UPF1: variants seen among roughly 807,000 people sequenced by gnomAD.
UPF1 encodes UPF1 RNA helicase and ATPase, also known as regulator of nonsense transcripts 1.
A neutral mutation model predicts 129.2 loss-of-function variants in UPF1; 9 were observed. That is an observed-to-expected ratio of 0.07 (90% confidence interval 0.04 to 0.12). UPF1 has a LOEUF of 0.12. Among genes scored for constraint, UPF1 ranks in the 10% least tolerant of loss-of-function variants. The probability of loss-of-function intolerance (pLI) is 1.00; values close to 1 mark genes in which losing one functional copy is unlikely to be tolerated. For missense variants in UPF1, 788 were observed against 1,525.3 expected (o/e 0.52, Z 8.05); for synonymous variants, 649 against 644.9 (o/e 1.01, Z -0.10).
At chr19:18,863,095 T>C in intron 18 of UPF1, 1 of 240,082 alleles carries the variant, frequency 4.2e-6, no homozygotes. Context: ...GGGCATCGGG[T>C]CAGTGCCCCG....
At position 18,864,164 on chromosome 19, in the gene UPF1, TC is replaced by T. The variant is rs773800858; in HGVS notation, c.2776-5del. On this transcript the variant is annotated splice_region_variant and splice_polypyrimidine_tract_variant and intron_variant, in intron 19 of 23. Transcript: ENST00000262803. ...ACAAATTCCTCACCTATCTAAACCT[TC>T]GCAGGGAGCCCGCTTCATGACCACA... 8 of 1,613,670 alleles carry T rather than the reference TC, an allele frequency of 5.0e-6. No individual in the cohort carries two copies. In the East Asian group the frequency reaches 1.8e-4, roughly 36 times the overall value.
chr19:18,844,327 C>CTT (rs58392919), intron 1 of UPF1, among the ~76,000 whole-genome samples: 5 of 140,088 alleles, frequency 3.6e-5, no homozygotes, highest in African/African-American at 5.4e-5. Flanking sequence ...TTTCTTTTTT[C>CTT]TTTTTTTTTT....
intron 19 of UPF1, among the ~76,000 whole-genome samples, chr19:18,863,944 C>T (rs1299997024): frequency 1.3e-5 from 2 of 152,082 alleles, no homozygotes; most frequent in Non-Finnish European, 2.9e-5. Context: ...GTGAAGCTTC[C>T]TGAGCTGAGG....
intron 20 of UPF1, 79 bp downstream of exon 20, chr19:18,864,330 A>T: frequency 7.5e-7 from 1 of 1,338,466 alleles, no homozygotes; most frequent in South Asian, 1.3e-5. Context: ...CTGCAGCTTT[A>T]GGTGCCCCCA....
rs35934501 is a variant in UPF1 at position 18,843,518 on chromosome 19, G to GTTTT, written c.232-2447_232-2444dup. On this transcript the variant is annotated intron_variant, in intron 1 of 23. Coordinates refer to ENST00000262803, the MANE Select transcript of UPF1 (RefSeq NM_002911.4). The stretch of plus-strand genomic sequence containing the variant: ...CTGTGGGAATGAAGTGACTTTCTTT[G>GTTTT]TTTTTTTTTTTTTTTTTTGAGACAG... Among the ~76,000 whole-genome samples the GTTTT allele has an allele frequency of 9.0e-4, 111 of 124,016 alleles. 4 individuals are homozygous for GTTTT. The highest frequency in any genetic ancestry group is 1.1e-3 in the Non-Finnish European group (67 of 61,708). 81.4% of individuals were successfully genotyped at this position (124,016 alleles called of 152,430 possible).
At chr19:18,859,099 G>A (rs1409159844) in intron 15 of UPF1, among the ~76,000 whole-genome samples, 1 of 152,170 alleles carries the variant, frequency 6.6e-6, no homozygotes, top group African/African-American at 2.4e-5. Flanking sequence ...CAGGGACACC[G>A]CTGTTCCCAG....
chr19:18,856,346 T>C, intron 13 of UPF1, 46 bp downstream of exon 13: 1 of 1,538,754 alleles, frequency 6.5e-7, no homozygotes, highest in Non-Finnish European at 8.8e-7. Context: ...GCTGGCGGCC[T>C]GATGGTTTTT....
At chr19:18,835,138 C>T (rs1475921168) in intron 1 of UPF1, among the ~76,000 whole-genome samples, 1 of 152,148 alleles carries the variant, frequency 6.6e-6, no homozygotes, top group Non-Finnish European at 1.5e-5. Context: ...CACTCACCTG[C>T]TTTCTGTCTC....
Position 18,850,942 on chromosome 19 carries a change from C to T in UPF1, c.810+74C>T, listed in dbSNP as rs541820986. On this transcript the variant is annotated intron_variant, in intron 5 of 23. Transcript: ENST00000262803. This position sits in a 1 kb window ranked among gnomAD's most constrained non-coding sequence, Gnocchi z 7.1. ...GCGGGGAGGGGAGTGTCTTCAGAGA[C>T]GGCTTGACCCAGTGAGACCGCTGGA... is the stretch of plus-strand genomic sequence containing the variant. 956 of 1,440,676 alleles carry T rather than the reference C, an allele frequency of 6.6e-4. 3 individuals carry two copies. The highest frequency in any genetic ancestry group is 7.2e-4 in the Non-Finnish European group (791 of 1,091,064). The allele number at this position is 1,440,676 out of a possible 1,614,324, so 89.2% of individuals were successfully genotyped here. A position where few individuals can be genotyped will look rare whatever the true frequency, so the allele number is the denominator to read the frequency against.
chr19:18,866,294 T>A, intron 23 of UPF1, 128 bp downstream of exon 23: 1 of 1,364,790 alleles, frequency 7.3e-7, no homozygotes. Context: ...GTGGGGGTCA[T>A]AGGCCCTCAG....
chr19:18,856,969 C>G lies in UPF1; in HGVS notation c.1917C>G (p.Thr639=), dbSNP rs371705955. Residue 639 remains threonine, a synonymous_variant, in exon 14 of 24, where the codon ACC becomes ACG. Coordinates refer to ENST00000262803, the MANE Select transcript of UPF1 (RefSeq NM_002911.4). ...QFRSILIDES[T]QATEPECMVP... is the part of the protein sequence containing the mutation. Reference sequence around the variant, plus strand: ...GCTCCATTTTAATCGACGAAAGCACCCAGGCCACCGAGCCGGAGTGCATGG... The same window carrying G: ...GCTCCATTTTAATCGACGAAAGCACGCAGGCCACCGAGCCGGAGTGCATGG... 3 of 1,612,520 alleles carry G rather than the reference C, an allele frequency of 1.9e-6. No individual in the cohort carries two copies. The African/African-American group carries it at 4.0e-5, about 22-fold the overall frequency.
In UPF1 at chr19:18,865,327, A is replaced by C. The variant is rs747587766; in HGVS notation, c.2896A>C (p.Ile966Leu). 5.0e-5 allele frequency: 81 copies of C among 1,613,200 alleles called. No homozygotes were observed. The highest frequency in any genetic ancestry group is 3.3e-4 in the Middle Eastern group (2 of 6,082). Reference sequence around the variant, plus strand: ...CATGTACTTCCAGACCCATGACCAGATTGGCATGATCAGTGCCGGCCCTAG... The same window carrying C: ...CATGTACTTCCAGACCCATGACCAGCTTGGCATGATCAGTGCCGGCCCTAG... ...SSMYFQTHDQ[I>L]GMISAGPSHV... is the part of the protein sequence containing the mutation. Residue 966 changes from isoleucine (I) to leucine (L), a missense_variant, in exon 21 of 24, where the codon ATT becomes CTT. Coordinates refer to ENST00000262803, the MANE Select transcript of UPF1 (RefSeq NM_002911.4). This position sits in a 1 kb window ranked among gnomAD's most constrained non-coding sequence, Gnocchi z 6.1.
chr19:18,858,474 G>T (rs766704426), intron 15 of UPF1, among the ~76,000 whole-genome samples: 25 of 152,240 alleles, frequency 1.6e-4, no homozygotes, highest in Non-Finnish European at 3.2e-4. Context: ...ATGACCAGCA[G>T]AGTGTCACGA....
At chr19:18,860,797 G>A (rs1208307572) in intron 16 of UPF1, 29 bp from the exon 17 acceptor site, 4 of 1,610,702 alleles carry the variant, frequency 2.5e-6, no homozygotes, top group Non-Finnish European at 3.4e-6. Flanking sequence ...CACAGGTGGA[G>A]CCCAGCACTG....
Position 18,865,340 on chromosome 19 carries a change from G to C in UPF1, c.2909G>C (p.Ser970Thr). The change falls in exon 21 of 24, where the codon AGT becomes ACT. Residue 970 changes from serine to threonine, a missense_variant. Transcript: ENST00000262803. The surrounding 1 kb of genome is among the most constrained non-coding windows in gnomAD (Gnocchi z 6.1). ...FQTHDQIGMI[S>T]AGPSHVAAMN... ...ACCCATGACCAGATTGGCATGATCA[G>C]TGCCGGCCCTAGCCACGTGGCTGCC... 6.2e-7 allele frequency: 1 copy of C among 1,613,984 alleles called. No homozygotes were observed. Among genetic ancestry groups the C allele is most frequent in the Non-Finnish European group, 8.5e-7 (1 of 1,179,986 alleles).
chr19:18,851,449 A>T lies in UPF1; in HGVS notation c.810+581A>T, dbSNP rs1020299239. 2.6e-5 allele frequency among the ~76,000 whole-genome samples: 4 copies of T among 152,344 alleles called. No individual in the cohort carries two copies. The East Asian group carries it at 7.7e-4, about 29-fold the overall frequency. On this transcript the variant is annotated intron_variant, in intron 5 of 23. Transcript: ENST00000262803. The surrounding 1 kb of genome is among the most constrained non-coding windows in gnomAD (Gnocchi z 4.2). ...TTCATTTGCCTCCCATTCAGTCAGAAATCTCACATAGGAAATGAAGTGCAA... is the reference window on the plus strand; with the variant it reads ...TTCATTTGCCTCCCATTCAGTCAGATATCTCACATAGGAAATGAAGTGCAA...
chr19:18,865,464 G>A lies in UPF1; in HGVS notation c.3019+14G>A. ...GGCCTGCTGCAGGTGAGCATCTGTG[G>A]CTGCGGCTGGGTGTGGCCCTCCTGA... On this transcript the variant is annotated intron_variant, in intron 21 of 23. Transcript: ENST00000262803. This position sits in a 1 kb window ranked among gnomAD's most constrained non-coding sequence, Gnocchi z 6.1. 6.2e-7 allele frequency: 1 copy of A among 1,612,256 alleles called. No individual in the cohort carries two copies. The highest frequency in any genetic ancestry group is 8.5e-7 in the Non-Finnish European group (1 of 1,178,602).
At position 18,866,529 on chromosome 19, in the gene UPF1, G is replaced by A. The variant is rs1002206796; in HGVS notation, c.*12G>A. ...CTTCTCCCTCCTGACAGGTGGCGGC[G>A]GAAGAGCTAAGCAACGTGGCTTAGT... On this transcript the variant is annotated 3_prime_UTR_variant, in exon 24 of 24. Transcript: ENST00000262803. 4.4e-6 allele frequency: 1 copy of A among 227,906 alleles called. No homozygotes were observed. Among genetic ancestry groups the A allele is most frequent in the Admixed American group, 5.8e-5 (1 of 17,188 alleles). The allele number at this position is 227,906 out of a possible 1,614,324, so 14.1% of individuals were successfully genotyped here.
intron 19 of UPF1, 112 bp downstream of exon 19, chr19:18,863,724 A>C (rs1429397227): frequency 1.5e-5 from 12 of 823,608 alleles, no homozygotes; most frequent in Middle Eastern, 4.9e-4. Flanking sequence ...GGGCTCTCCT[A>C]GGGGAGGGTG....
Sources: gnomAD v4.1 joint callset for allele counts (sites outside exome capture counted in the v4.1 genomes callset) on GRCh38, gnomAD v4.1.1 for gene constraint, Gnocchi (gnomAD v3.1) non-coding constraint, MANE v1.5 for transcripts, NCBI Gene and HGNC (gene_info 2026-07-23, HGNC 2026-07-21) for gene names.